FAT4: variants seen among roughly 807,000 people sequenced by gnomAD.
The protein encoded by FAT4 is protocadherin Fat 4.
Under a neutral mutation model 303.9 loss-of-function variants are expected in FAT4, and 84 were observed. The observed-to-expected ratio is 0.28, with a 90% CI of 0.23 to 0.33. The LOEUF (loss-of-function observed/expected upper bound fraction) is 0.33. FAT4 is among the 10% of genes least tolerant of loss of function. FAT4 has a pLI of 1.00. For synonymous variants in FAT4, 2,307 were observed against 2,298.8 expected (o/e 1.00, Z -0.10); for missense variants, 6,005 against 6,146.8 (o/e 0.98, Z 0.77).
Position 125,450,964 on chromosome 4 carries a change from T to G in FAT4, c.9954T>G (p.Ile3318Met). 6.2e-7 allele frequency: 1 copy of G among 1,614,160 alleles called. No homozygotes were observed. Among genetic ancestry groups the G allele is most frequent in the Non-Finnish European group, 8.5e-7 (1 of 1,180,014 alleles). Reference protein sequence around the residue: ...EISEAAPKGTIVGEVFASDRD... With the variant: ...EISEAAPKGTMVGEVFASDRD... ...CAGAAGCAGCTCCTAAAGGTACTAT[T>G]GTTGGAGAAGTGTTTGCTAGCGACC... The change falls in exon 10 of 18, where the codon ATT (isoleucine) becomes ATG (methionine). Residue 3318 changes from isoleucine (I) to methionine (M), a missense_variant. Physicochemically the swap from Ile to Met is conservative, Grantham distance 10. Transcript: ENST00000394329.
At chr4:125,468,876 T>A in intron 12 of FAT4, 57 bp downstream of exon 12, 1 of 1,500,392 alleles carries the variant, frequency 6.7e-7, no homozygotes, top group Non-Finnish European at 9.1e-7. Context: ...AAATAAAGTA[T>A]GAATTGGGGT....
chr4:125,475,892 A>G (rs1727010736), intron 12 of FAT4, among the ~76,000 whole-genome samples: 1 of 152,136 alleles, frequency 6.6e-6, no homozygotes, highest in Non-Finnish European at 1.5e-5. Context: ...CGGCATTTTT[A>G]TCTTTTTTCA....
At position 125,434,113 on chromosome 4, in the gene FAT4, C is replaced by T. The variant is rs895823327; in HGVS notation, c.7019-132C>T. ...GTAACAAAATTAAAAATCACTCAAT[C>T]ACTTATGTGTTCAGAAATTTTACTT... On this transcript the variant is annotated intron_variant, in intron 7 of 17. Coordinates refer to ENST00000394329, the MANE Select transcript of FAT4 (RefSeq NM_001291303.3). 6 of 706,746 alleles carry T rather than the reference C, an allele frequency of 8.5e-6. No homozygotes were observed. In the African/African-American group the frequency reaches 9.0e-5, roughly 11 times the overall value. 43.8% of individuals were successfully genotyped at this position (706,746 alleles called of 1,614,324 possible). A position where few individuals can be genotyped will look rare whatever the true frequency, so the allele number is the denominator to read the frequency against.
chr4:125,465,891 T>A (rs1726643868), intron 11 of FAT4, among the ~76,000 whole-genome samples: 1 of 152,102 alleles, frequency 6.6e-6, no homozygotes, highest in Non-Finnish European at 1.5e-5. Flanking sequence ...ACTAAAGAGA[T>A]AGAAGCAGAA....
intron 10 of FAT4, among the ~76,000 whole-genome samples, chr4:125,453,300 ATTCT>A (rs1726161670): frequency 6.6e-6 from 1 of 152,200 alleles, no homozygotes; most frequent in Non-Finnish European, 1.5e-5. Context: ...ATTGTTGTTG[ATTCT>A]TTATCATCAT....
rs760586359 is a variant in FAT4, at chr4:125,320,987, G to A, written c.4576G>A (p.Val1526Ile). Residue 1526 changes from valine to isoleucine, a missense_variant, in exon 2 of 18, where the codon GTC becomes ATC. Physicochemically the swap from Val to Ile is conservative, Grantham distance 29. Transcript: ENST00000394329. ...TTTGGTTACAGACCTCAATGACAAT[G>A]TCCCAATGTTTATATCACAAAACGC... is the stretch of plus-strand genomic sequence containing the variant. ...TILVTDLNDNVPMFISQNALA... is the reference protein window; with the variant it reads ...TILVTDLNDNIPMFISQNALA... 2.5e-6 allele frequency: 4 copies of A among 1,614,154 alleles called. No homozygotes were observed. Among genetic ancestry groups the A allele is most frequent in the Middle Eastern group, 1.6e-4 (1 of 6,062 alleles).
Position 125,414,995 on chromosome 4 carries a change from A to G in FAT4, c.6032A>G (p.Gln2011Arg), listed in dbSNP as rs369028314. Residue 2011 changes from glutamine to arginine, a missense_variant, in exon 6 of 18, where the codon CAG (glutamine) becomes CGG (arginine). By Grantham distance (43) the Gln-to-Arg change is conservative (BLOSUM62 1). Transcript: ENST00000394329. Reference protein sequence around the residue: ...KVLKALDRESQSFYNLVVQVH... With the variant: ...KVLKALDRESRSFYNLVVQVH... Reference sequence around the variant, plus strand: ...CTAAAAGCTTTGGATCGGGAAAGTCAGTCCTTCTACAACTTGGTTGTTCAA... The same window carrying G: ...CTAAAAGCTTTGGATCGGGAAAGTCGGTCCTTCTACAACTTGGTTGTTCAA... 5 of 1,613,940 alleles carry G rather than the reference A, an allele frequency of 3.1e-6. No homozygotes were observed. The African/African-American group carries it at 6.7e-5, about 22-fold the overall frequency.
intron 16 of FAT4, 80 bp downstream of exon 16, chr4:125,481,818 C>T (rs767443865): frequency 1.6e-6 from 2 of 1,255,796 alleles, no homozygotes; most frequent in Non-Finnish European, 2.3e-6. Flanking sequence ...CCCATAATTT[C>T]TGTCCTTTTC....
chr4:125,422,697 T>C (rs1267709893), intron 7 of FAT4, among the ~76,000 whole-genome samples: 1 of 152,186 alleles, frequency 6.6e-6, no homozygotes, highest in Non-Finnish European at 1.5e-5. Context: ...GACAGCAGAC[T>C]AATACAGGTT....
intron 2 of FAT4, among the ~76,000 whole-genome samples, chr4:125,325,478 G>T (rs1731115761): frequency 1.3e-5 from 2 of 152,202 alleles, no homozygotes; most frequent in South Asian, 4.1e-4. Context: ...AAAAAGAAAA[G>T]ATTATGCATA....
chr4:125,350,078 A>T (rs1732164666), intron 2 of FAT4, among the ~76,000 whole-genome samples: 1 of 151,746 alleles, frequency 6.6e-6, no homozygotes, highest in East Asian at 1.9e-4. Flanking sequence ...TACCTTTCAC[A>T]TAATGAATGA....
In FAT4 at chr4:125,414,943, G is replaced by A. The variant is rs1281847859; in HGVS notation, c.5980G>A (p.Val1994Ile). Residue 1994 changes from valine (V) to isoleucine (I), a missense_variant, in exon 6 of 18, where the codon GTT becomes ATT. Coordinates refer to ENST00000394329, the MANE Select transcript of FAT4 (RefSeq NM_001291303.3). ...AGGTGATAGCCTTGGGCAGTTTACTGTTGACAAGAATGGTGTACTCAAAGT... is the reference window on the plus strand; with the variant it reads ...AGGTGATAGCCTTGGGCAGTTTACTATTGACAAGAATGGTGTACTCAAAGT... Reference protein sequence around the residue: ...ASGDSLGQFTVDKNGVLKVLK... With the variant: ...ASGDSLGQFTIDKNGVLKVLK... 3 of 1,613,648 alleles carry A rather than the reference G, an allele frequency of 1.9e-6. No homozygotes were observed. The South Asian group carries it at 3.3e-5, about 18-fold the overall frequency.
chr4:125,436,862 G>A (rs1014329744), intron 8 of FAT4, among the ~76,000 whole-genome samples: 1 of 151,746 alleles, frequency 6.6e-6, no homozygotes, highest in East Asian at 1.9e-4. Flanking sequence ...ATTTATCTAT[G>A]TATTTTTTTT....
At chr4:125,329,955 A>C (rs188411622) in intron 2 of FAT4, among the ~76,000 whole-genome samples, 21 of 152,242 alleles carry the variant, frequency 1.4e-4, no homozygotes, top group Admixed American at 1.2e-3. Context: ...TTTCATGATA[A>C]TTTCTCATCA....
In FAT4 at chr4:125,408,725, A is replaced by G. The variant is rs761827410; in HGVS notation, c.5851A>G (p.Thr1951Ala). 1.2e-6 allele frequency: 2 copies of G among 1,611,020 alleles called. No homozygotes were observed. The highest frequency in any genetic ancestry group is 1.7e-4 in the Middle Eastern group (1 of 6,042). The change falls in exon 5 of 18, where the codon ACA becomes GCA. Residue 1951 changes from threonine to alanine, a missense_variant. Coordinates refer to ENST00000394329, the MANE Select transcript of FAT4 (RefSeq NM_001291303.3). ...TATTTTCAGCTTGAATTCATACAGC[A>G]CATCTTTAATGGAGAATCTACCTGT... ...PPIFSLNSYSTSLMENLPVGS... is the reference protein window; with the variant it reads ...PPIFSLNSYSASLMENLPVGS...
intron 2 of FAT4, among the ~76,000 whole-genome samples, chr4:125,361,404 A>G (rs1258957056): frequency 6.6e-6 from 1 of 152,144 alleles, no homozygotes; most frequent in Non-Finnish European, 1.5e-5. Context: ...GTGACAGTCA[A>G]TGGTTAGTGA....
At position 125,316,408 on chromosome 4, in the gene FAT4, G is replaced by A; in HGVS notation, c.-4G>A. On this transcript the variant is annotated 5_prime_UTR_variant, in exon 2 of 18. Coordinates refer to ENST00000394329, the MANE Select transcript of FAT4 (RefSeq NM_001291303.3). The surrounding 1 kb of genome is among the most constrained non-coding windows in gnomAD (Gnocchi z 5.7). ...TTATCACATCGTTTTAGGGAGCCAG[G>A]ACCATGGACTTAGCACCAGACAGGG... The A allele has an allele frequency of 1.9e-6, 3 of 1,602,232 alleles. No homozygotes were observed. The highest frequency in any genetic ancestry group is 1.1e-5 in the South Asian group (1 of 90,028).
intron 12 of FAT4, among the ~76,000 whole-genome samples, chr4:125,471,664 C>G (rs1726858249): frequency 6.6e-6 from 1 of 151,578 alleles, no homozygotes; most frequent in South Asian, 2.1e-4. Flanking sequence ...CATATTTCCC[C>G]CATCTCTAAC....
chr4:125,441,838 T>A (rs1725670705), intron 8 of FAT4, among the ~76,000 whole-genome samples: 1 of 152,200 alleles, frequency 6.6e-6, no homozygotes, highest in African/African-American at 2.4e-5. Context: ...TTTCTGCTCA[T>A]GGGACAAGGA....
Sources: gnomAD v4.1 joint callset for allele counts (sites outside exome capture counted in the v4.1 genomes callset) on GRCh38, gnomAD v4.1.1 for gene constraint, Gnocchi (gnomAD v3.1) non-coding constraint, MANE v1.5 for transcripts, NCBI Gene and HGNC (gene_info 2026-07-23, HGNC 2026-07-21) for gene names.